Variants in ZPBP observed in about 807,000 individuals in gnomAD.
ZPBP encodes the protein zona pellucida binding protein, also known as zona pellucida-binding protein 1.
A neutral mutation model predicts 44.8 loss-of-function variants in ZPBP; 26 were observed. That is an observed-to-expected ratio of 0.58 (90% CI 0.43 to 0.81). ZPBP has a LOEUF of 0.81. ZPBP is among the 30% of genes least tolerant of loss of function. The pLI, the probability that ZPBP is intolerant of heterozygous loss-of-function variation, is 0.00. For missense variants in ZPBP, 409 were observed against 434.0 expected (o/e 0.94, Z 0.51); for synonymous variants, 174 against 153.2 (o/e 1.14, Z -1.00).
chr7:49,998,345 C>A (rs1205836349), intron 6 of ZPBP, among the ~76,000 whole-genome samples: 1 of 152,198 alleles, frequency 6.6e-6, no homozygotes, highest in African/African-American at 2.4e-5. Context: ...ATAAGACTCT[C>A]CGCTTCAGGG....
At chr7:49,942,432 A>G (rs1290457898) in intron 7 of ZPBP, 1 of 155,416 alleles carries the variant, frequency 6.4e-6, no homozygotes, top group African/African-American at 2.4e-5. Context: ...GTTTTACTTG[A>G]ATATTCCTCT....
At chr7:50,011,642 T>C (rs1798589738) in intron 6 of ZPBP, among the ~76,000 whole-genome samples, 2 of 152,194 alleles carry the variant, frequency 1.3e-5, no homozygotes, top group South Asian at 4.1e-4. Context: ...ACTTAAAATA[T>C]ACACAGTGTG....
intron 7 of ZPBP, among the ~76,000 whole-genome samples, chr7:49,974,593 A>G (rs921760082): frequency 6.6e-6 from 1 of 152,166 alleles, no homozygotes; most frequent in South Asian, 2.1e-4. Context: ...GGAAGAGAAT[A>G]TAACTCTCCC....
At chr7:49,842,380 AATTTT>A in the ZPBP span, among the ~76,000 whole-genome samples, 1 of 152,202 alleles carries the variant, frequency 6.6e-6, no homozygotes, top group African/African-American at 2.4e-5. Flanking sequence ...ATGACATTTT[AATTTT>A]ATTTTATTTT....
At chr7:49,912,206 T>A in intron 1 of ZPBP, 1 of 1,612,486 alleles carries the variant, frequency 6.2e-7, no homozygotes. Flanking sequence ...GAACACAAAC[T>A]CTGACTTTTT....
chr7:50,082,302 A>C (rs1413531097), intron 2 of ZPBP, among the ~76,000 whole-genome samples: 1 of 151,940 alleles, frequency 6.6e-6, no homozygotes, highest in East Asian at 1.9e-4. Context: ...TGTTTAGATT[A>C]GCAGAATAAT....
At position 50,081,892 on chromosome 7, in the gene ZPBP, C is replaced by T. The variant is rs144577669; in HGVS notation, c.216G>A (p.Ala72=). ...GACTCTTTTGATGGAGCATGACATACGCTTTCACTGAAAATACAATATTTA... is the reference window on the plus strand; with the variant it reads ...GACTCTTTTGATGGAGCATGACATATGCTTTCACTGAAAATACAATATTTA... ...IVGSTSFPVK[A]YVMLHQKSPH... is the part of the protein sequence containing the mutation. The change falls in exon 3 of 8, where the codon GCG becomes GCA. Residue 72 remains alanine, a synonymous_variant. Transcript: ENST00000046087. 5.1e-5 allele frequency: 82 copies of T among 1,610,518 alleles called. No homozygotes were observed. Among genetic ancestry groups the T allele is most frequent in the Non-Finnish European group, 6.2e-5 (73 of 1,177,740 alleles).
chr7:49,993,151 G>GT (rs1250807759), intron 6 of ZPBP, among the ~76,000 whole-genome samples: 1 of 151,792 alleles, frequency 6.6e-6, no homozygotes, highest in Non-Finnish European at 1.5e-5. Flanking sequence ...GAAAAATAAG[G>GT]TAAAAAAAGT....
At chr7:49,954,322 A>G (rs1795476991) in intron 7 of ZPBP, among the ~76,000 whole-genome samples, 1 of 152,182 alleles carries the variant, frequency 6.6e-6, no homozygotes, top group South Asian at 2.1e-4. Flanking sequence ...TAAATATATC[A>G]GAGCAAAAAC....
intron 4 of ZPBP, among the ~76,000 whole-genome samples, chr7:50,049,630 C>A (rs6944097): frequency 3.3e-5 from 5 of 151,736 alleles, no homozygotes; most frequent in South Asian, 4.1e-4. Flanking sequence ...AAAAACAATC[C>A]TCAAATATAA....
intron 1 of ZPBP, chr7:49,912,178 A>C (rs1793491957): frequency 6.2e-7 from 1 of 1,613,716 alleles, no homozygotes; most frequent in Non-Finnish European, 8.5e-7. Context: ...GAATGCAGGC[A>C]AATGTAGACG....
At chr7:49,966,910 C>T (rs972080393) in intron 7 of ZPBP, among the ~76,000 whole-genome samples, 2 of 151,994 alleles carry the variant, frequency 1.3e-5, no homozygotes, top group African/African-American at 4.8e-5. Context: ...CAAGATTTTT[C>T]AGAATGCTTT....
intron 7 of ZPBP, among the ~76,000 whole-genome samples, chr7:49,959,848 T>C (rs1448145458): frequency 6.6e-6 from 1 of 152,166 alleles, no homozygotes; most frequent in Admixed American, 6.5e-5. Flanking sequence ...ATAGTTACTA[T>C]AAAGCTACAG....
chr7:49,894,756 G>A (rs1300309090), intron 2 of ZPBP, among the ~76,000 whole-genome samples: 1 of 152,114 alleles, frequency 6.6e-6, no homozygotes, highest in African/African-American at 2.4e-5. Context: ...GCCAGGAGGG[G>A]AGGCTCAACT....
At chr7:50,069,255 A>G (rs996004089) in intron 3 of ZPBP, among the ~76,000 whole-genome samples, 5 of 152,134 alleles carry the variant, frequency 3.3e-5, no homozygotes, top group African/African-American at 1.2e-4. Context: ...TGGTTCTTGC[A>G]AAACTGGTTT....
chr7:49,967,695 T>G (rs1796117339), intron 7 of ZPBP, among the ~76,000 whole-genome samples: 1 of 151,800 alleles, frequency 6.6e-6, no homozygotes, highest in Non-Finnish European at 1.5e-5. Flanking sequence ...TACAGGCATG[T>G]GCCACCACGC....
intron 1 of ZPBP, among the ~76,000 whole-genome samples, chr7:49,902,493 T>C (rs1792812731): frequency 1.3e-5 from 2 of 151,832 alleles, no homozygotes; most frequent in African/African-American, 4.8e-5. Flanking sequence ...GGGTAGTTTT[T>C]TGTTTGTTTG....
At chr7:50,070,007 C>A (rs928423570) in intron 3 of ZPBP, among the ~76,000 whole-genome samples, 6 of 152,130 alleles carry the variant, frequency 3.9e-5, no homozygotes, top group Admixed American at 3.3e-4. Flanking sequence ...ATCTCCCTTG[C>A]CCCAGGACTC....
intron 2 of ZPBP, among the ~76,000 whole-genome samples, chr7:49,887,514 A>G (rs968114806): frequency 9.3e-6 from 1 of 107,964 alleles, no homozygotes; most frequent in Non-Finnish European, 1.9e-5. Flanking sequence ...ATTGTGGGGT[A>G]TTAGATAACA....
Sources: gnomAD v4.1 joint callset for allele counts (sites outside exome capture counted in the v4.1 genomes callset) on GRCh38, gnomAD v4.1.1 for gene constraint, MANE v1.5 for transcripts, NCBI Gene and HGNC (gene_info 2026-07-23, HGNC 2026-07-21) for gene names.